The following DPP6 variants were observed in gnomAD, a reference collection of about 807,000 sequenced individuals.
The protein encoded by DPP6 is dipeptidyl peptidase like 6, also known as A-type potassium channel modulatory protein DPP6.
A neutral mutation model predicts 122.6 loss-of-function variants in DPP6; 69 were observed. The observed-to-expected ratio is 0.56, with a 90% CI of 0.46 to 0.69. DPP6 has a LOEUF of 0.69. Ranked by LOEUF, DPP6 falls within the 30% of genes least tolerant of loss-of-function variation. DPP6 has a pLI of 0.00. For synonymous variants in DPP6, 418 were observed against 433.1 expected (o/e 0.97, Z 0.43); for missense variants, 928 against 1,116.9 (o/e 0.83, Z 2.41).
Position 154,483,820 on chromosome 7 carries a change from T to G in DPP6, c.457+8783T>G, listed in dbSNP as rs1373721895. 6.6e-6 allele frequency among the ~76,000 whole-genome samples: 1 copy of G among 151,968 alleles called. No homozygotes were observed. Among genetic ancestry groups the G allele is most frequent in the Non-Finnish European group, 1.5e-5 (1 of 67,946 alleles). ...AGCGATTCTCCTGCCTCAGCCTCCC[T>G]AGTAGCTGGGATTACAGGTGCACAC... On this transcript the variant is annotated intron_variant, in intron 3 of 25. Transcript: ENST00000377770. This position sits in a 1 kb window ranked among gnomAD's most constrained non-coding sequence, Gnocchi z 8.1.
chr7:154,510,994 A>G (rs1826045653), intron 3 of DPP6, among the ~76,000 whole-genome samples: 1 of 151,824 alleles, frequency 6.6e-6, no homozygotes, highest in South Asian at 2.1e-4. Flanking sequence ...AGCAAGGAAA[A>G]GATAGACCCT....
intron 3 of DPP6, among the ~76,000 whole-genome samples, chr7:154,518,432 G>T (rs139183791): frequency 1.3e-5 from 2 of 152,102 alleles, no homozygotes; most frequent in Non-Finnish European, 2.9e-5. Context: ...TGGTTTTGCC[G>T]ATTTTTTTGG....
chr7:153,945,132 G>GT (rs1219110760), intron 1 of DPP6, among the ~76,000 whole-genome samples: 1 of 152,152 alleles, frequency 6.6e-6, no homozygotes, highest in East Asian at 1.9e-4. Flanking sequence ...TTGTAAATGA[G>GT]TTTTGACCCT....
At chr7:154,437,064 C>T (rs59715562) in intron 1 of DPP6, among the ~76,000 whole-genome samples, 3,017 of 152,270 alleles carry the variant, frequency 0.02, 79 homozygotes, top group African/African-American at 0.068. Context: ...AATGACACCC[C>T]ATGAAGATGT....
In DPP6 at chr7:154,273,707, G is replaced by A. The variant is rs919480481; in HGVS notation, c.244-172507G>A. 5.9e-5 allele frequency among the ~76,000 whole-genome samples: 9 copies of A among 152,298 alleles called. No individual in the cohort carries two copies. In the South Asian group the frequency reaches 1.0e-3, roughly 18 times the overall value. ...ATGTCTGCATTGGTTGTTTCTTTAAGTGTAAAGAGATCAGAAAAAAAGGGT... is the reference window on the plus strand; with the variant it reads ...ATGTCTGCATTGGTTGTTTCTTTAAATGTAAAGAGATCAGAAAAAAAGGGT... On this transcript the variant is annotated intron_variant, in intron 1 of 25. Transcript: ENST00000377770.
chr7:154,344,930 TG>T (rs1810268023), intron 1 of DPP6, among the ~76,000 whole-genome samples: 1 of 152,006 alleles, frequency 6.6e-6, no homozygotes, highest in Non-Finnish European at 1.5e-5. Context: ...AGTGCTGTTG[TG>T]GGGATTAAAT....
At chr7:154,643,651 G>A (rs1306757955) in intron 6 of DPP6, among the ~76,000 whole-genome samples, 1 of 151,982 alleles carries the variant, frequency 6.6e-6, no homozygotes, top group Non-Finnish European at 1.5e-5. Context: ...TGTATTTTTA[G>A]TAGAGACGGG....
intron 1 of DPP6, among the ~76,000 whole-genome samples, chr7:154,411,022 T>A (rs1816551884): frequency 6.6e-6 from 1 of 152,176 alleles, no homozygotes; most frequent in Admixed American, 6.5e-5. Flanking sequence ...GTGAAAAATT[T>A]CCATTACATC....
Position 154,115,233 on chromosome 7 carries a change from C to T in DPP6, c.243+62170C>T, listed in dbSNP as rs180848778. On this transcript the variant is annotated intron_variant, in intron 1 of 25. Coordinates refer to ENST00000377770, the MANE Select transcript of DPP6 (RefSeq NM_130797.4). ...GTATATATGGGAGGTGCTGTCCCCC[C>T]TTCTGCCACTCATCAGCTCATGGTA... Among the ~76,000 whole-genome samples the T allele has an allele frequency of 1.5e-4, 23 of 152,300 alleles. No individual in the cohort carries two copies. The East Asian group carries it at 4.5e-3, about 29-fold the overall frequency.
intron 2 of DPP6, among the ~76,000 whole-genome samples, chr7:154,449,700 A>C (rs1820186165): frequency 6.6e-6 from 1 of 152,192 alleles, no homozygotes; most frequent in Non-Finnish European, 1.5e-5. Flanking sequence ...TCTATTTCCC[A>C]GAGAATGGAT....
chr7:154,760,211 T>TA lies in DPP6; in HGVS notation c.884-9203dup, dbSNP rs1795446311. Among the ~76,000 whole-genome samples, 4 of 152,328 alleles carry TA rather than the reference T, an allele frequency of 2.6e-5. No homozygotes were observed. In the South Asian group the frequency reaches 6.2e-4, roughly 24 times the overall value. ...GGCTTCAAGGCAGTAATTTTATTTT[T>TA]AAAGGAAAAGGATTCAGCAGGCGGA... On this transcript the variant is annotated intron_variant, in intron 8 of 25. Coordinates refer to ENST00000377770, the MANE Select transcript of DPP6 (RefSeq NM_130797.4). This position sits in a 1 kb window ranked among gnomAD's most constrained non-coding sequence, Gnocchi z 4.5.
At chr7:154,829,497 A>AAGGC (rs1259187789) in intron 16 of DPP6, among the ~76,000 whole-genome samples, 2 of 54,054 alleles carry the variant, frequency 3.7e-5, no homozygotes, top group East Asian at 9.2e-4. Context: ...AGAAGGAGGG[A>AAGGC]AGGAAGGAAG....
intron 1 of DPP6, among the ~76,000 whole-genome samples, chr7:153,898,839 G>T (rs1799519855): frequency 6.6e-6 from 1 of 152,188 alleles, no homozygotes; most frequent in Admixed American, 6.5e-5. Context: ...ATCTAAGTTT[G>T]CATAGTCACC....
chr7:153,922,298 T>G (rs1445729289), intron 1 of DPP6, among the ~76,000 whole-genome samples: 1 of 152,164 alleles, frequency 6.6e-6, no homozygotes, highest in Non-Finnish European at 1.5e-5. Flanking sequence ...TCCAGGAGTC[T>G]GAGACCAGGC....
chr7:154,642,834 G>A lies in DPP6; in HGVS notation c.680+4961G>A, dbSNP rs143875602. On this transcript the variant is annotated intron_variant, in intron 6 of 25. Coordinates refer to ENST00000377770, the MANE Select transcript of DPP6 (RefSeq NM_130797.4). ...CAAGAATCACTTAAACCTGGGAGTCGGAGGTTGCAGTGAGCTGAGATTGTG... is the reference window on the plus strand; with the variant it reads ...CAAGAATCACTTAAACCTGGGAGTCAGAGGTTGCAGTGAGCTGAGATTGTG... Among the ~76,000 whole-genome samples the A allele has an allele frequency of 6.2e-3, 945 of 152,052 alleles. 9 individuals carry two copies. Among genetic ancestry groups the A allele is most frequent in the African/African-American group, 0.021 (872 of 41,458 alleles).
the DPP6 span, among the ~76,000 whole-genome samples, chr7:153,791,002 A>C: frequency 6.6e-6 from 1 of 152,150 alleles, no homozygotes; most frequent in African/African-American, 2.4e-5. Flanking sequence ...AAAAAGAGAA[A>C]TCATGTGGTT....
the DPP6 span, among the ~76,000 whole-genome samples, chr7:153,852,278 A>G: frequency 1.3e-5 from 2 of 152,108 alleles, no homozygotes; most frequent in African/African-American, 4.8e-5. Context: ...TGGGTAATTT[A>G]TAAAGAAAAG....
upstream of DPP6, among the ~76,000 whole-genome samples, chr7:154,050,864 G>A (rs1800269204): frequency 6.9e-6 from 1 of 145,320 alleles, no homozygotes; most frequent in Non-Finnish European, 1.5e-5. Flanking sequence ...AACAGAAGAT[G>A]AGCGTGGTAC....
intron 1 of DPP6, chr7:154,095,877 A>C: frequency 7.2e-6 from 1 of 138,478 alleles, no homozygotes; most frequent in Admixed American, 7.5e-5. Flanking sequence ...GAGCAGATTT[A>C]CAAGGGAGGG....
Sources: gnomAD v4.1 joint callset for allele counts (sites outside exome capture counted in the v4.1 genomes callset) on GRCh38, gnomAD v4.1.1 for gene constraint, Gnocchi (gnomAD v3.1) non-coding constraint, MANE v1.5 for transcripts, NCBI Gene and HGNC (gene_info 2026-07-23, HGNC 2026-07-21) for gene names.